HELZ: variants seen among roughly 807,000 people sequenced by gnomAD.
HELZ encodes the protein ATP-dependent RNA helicase with zinc finger domain.
HELZ carries 23 observed loss-of-function variants against 218.2 expected under a neutral mutation model. The ratio of observed to expected loss-of-function variants is 0.11; its 90% CI spans 0.08 to 0.15. The LOEUF (loss-of-function observed/expected upper bound fraction) is 0.15, where lower values mean the gene tolerates loss of function less well. HELZ is among the 10% of genes least tolerant of loss of function. HELZ has a pLI of 1.00. For missense variants in HELZ, 1,813 were observed against 2,353.7 expected (o/e 0.77, Z 4.75); for synonymous variants, 814 against 829.4 (o/e 0.98, Z 0.32).
rs1335078218 is a variant in HELZ, at chr17:67,076,745, T to A, written c.*1507A>T. On this transcript the variant is annotated 3_prime_UTR_variant, in exon 33 of 33. Coordinates refer to ENST00000358691, the MANE Select transcript of HELZ (RefSeq NM_014877.4). ...CCATTTTACAACCTGATTTTAAAAATGTACTTTGATTATAGGATTGCCTAT... is the reference window on the plus strand; with the variant it reads ...CCATTTTACAACCTGATTTTAAAAAAGTACTTTGATTATAGGATTGCCTAT... 6.6e-6 allele frequency: 1 copy of A among 152,220 alleles called. No individual in the cohort carries two copies. The highest frequency in any genetic ancestry group is 1.9e-4 in the East Asian group (1 of 5,192). The allele number at this position is 152,220 out of a possible 1,614,324, so 9.4% of individuals were successfully genotyped here. A position where few individuals can be genotyped will look rare whatever the true frequency, so the allele number is the denominator to read the frequency against.
chr17:67,097,118 G>A (rs902205971), intron 31 of HELZ, among the ~76,000 whole-genome samples: 1 of 152,212 alleles, frequency 6.6e-6, no homozygotes, highest in Admixed American at 6.5e-5. Flanking sequence ...GAGACTAAGT[G>A]ATGGGGGAAC....
At chr17:67,079,755 T>C (rs2036130958) in intron 32 of HELZ, among the ~76,000 whole-genome samples, 1 of 152,220 alleles carries the variant, frequency 6.6e-6, no homozygotes, top group Non-Finnish European at 1.5e-5. Context: ...AAGTAAATAA[T>C]TATCTTGTTG....
At chr17:67,149,637 T>C (rs2038612569) in intron 19 of HELZ, among the ~76,000 whole-genome samples, 1 of 151,868 alleles carries the variant, frequency 6.6e-6, no homozygotes, top group Non-Finnish European at 1.5e-5. Flanking sequence ...CTTAAATAAA[T>C]AAACATGAAA....
rs530194168 is a variant in HELZ, at chr17:67,232,462, A to T, written c.-19+6971T>A. ...CCCCTGTGTCTGGCATTGTATTTTA[A>T]AATTTTTAACAAGCAATAAGTTTTC... On this transcript the variant is annotated intron_variant, in intron 3 of 32. Transcript: ENST00000358691. Among the ~76,000 whole-genome samples the T allele has an allele frequency of 2.0e-5, 3 of 152,302 alleles. No individual in the cohort carries two copies. The South Asian group carries it at 6.2e-4, about 32-fold the overall frequency.
chr17:67,164,554 G>C (rs1293410398), intron 15 of HELZ, among the ~76,000 whole-genome samples: 3 of 152,098 alleles, frequency 2.0e-5, no homozygotes, highest in Admixed American at 6.5e-5. Context: ...TTAACACTAT[G>C]GAATTGTACA....
chr17:67,136,349 G>C, intron 22 of HELZ, 151 bp from the exon 23 acceptor site: 1 of 623,792 alleles, frequency 1.6e-6, no homozygotes, highest in Non-Finnish European at 2.8e-6. Flanking sequence ...CTGCTGGTGA[G>C]AATGTCCAAT....
At chr17:67,209,455 G>T (rs554917831) in intron 5 of HELZ, among the ~76,000 whole-genome samples, 1 of 152,092 alleles carries the variant, frequency 6.6e-6, no homozygotes, top group Non-Finnish European at 1.5e-5. Flanking sequence ...AAAATTAGCC[G>T]GGAATGGTGG....
intron 17 of HELZ, among the ~76,000 whole-genome samples, chr17:67,157,082 C>A (rs2038864274): frequency 1.3e-5 from 2 of 152,170 alleles, no homozygotes; most frequent in Non-Finnish European, 2.9e-5. Flanking sequence ...ATCCTGCTCC[C>A]CCTTCGCCTT....
intron 7 of HELZ, 173 bp downstream of exon 7, chr17:67,200,956 G>A (rs2040153020): frequency 8.2e-6 from 5 of 612,816 alleles, no homozygotes; most frequent in Non-Finnish European, 1.5e-5. Context: ...GCATTCCCAC[G>A]ATGGGACTGT....
intron 26 of HELZ, among the ~76,000 whole-genome samples, chr17:67,122,559 T>A (rs1388850653): frequency 8.7e-5 from 13 of 149,212 alleles, no homozygotes; most frequent in African/African-American, 2.5e-5. Flanking sequence ...AAAAAAAAAA[T>A]TAGCCGGACG....
chr17:67,226,219 A>G (rs1357312006), intron 3 of HELZ, among the ~76,000 whole-genome samples: 1 of 150,012 alleles, frequency 6.7e-6, no homozygotes, highest in East Asian at 1.9e-4. Context: ...AGATCGCACC[A>G]CTGCACTCCA....
At chr17:67,190,611 C>T (rs578160584) in intron 9 of HELZ, among the ~76,000 whole-genome samples, 7 of 152,188 alleles carry the variant, frequency 4.6e-5, no homozygotes, top group Non-Finnish European at 8.8e-5. Flanking sequence ...TAGGTATTCA[C>T]GTCGGCCCTC....
At chr17:67,124,299 C>T (rs1228612737) in intron 24 of HELZ, among the ~76,000 whole-genome samples, 5 of 151,974 alleles carry the variant, frequency 3.3e-5, no homozygotes, top group Non-Finnish European at 2.9e-5. Flanking sequence ...AAATGAAATA[C>T]GCAATCAACA....
chr17:67,182,074 G>A (rs561764231), intron 12 of HELZ, among the ~76,000 whole-genome samples: 2 of 152,240 alleles, frequency 1.3e-5, no homozygotes, highest in South Asian at 4.2e-4. Context: ...TCAGCACTCA[G>A]GGCAGCCTGA....
intron 13 of HELZ, 121 bp from the exon 14 acceptor site, chr17:67,167,917 C>T: frequency 1.5e-6 from 1 of 679,994 alleles, no homozygotes; most frequent in East Asian, 2.8e-5. Flanking sequence ...ATATCAATTC[C>T]ACTTCATTGA....
intron 13 of HELZ, 73 bp downstream of exon 13, chr17:67,178,586 T>C: frequency 7.8e-7 from 1 of 1,286,642 alleles, no homozygotes; most frequent in African/African-American, 1.5e-5. Flanking sequence ...TTAGGCACAC[T>C]TTCATTTTAA....
chr17:67,163,021 A>C (rs777227551), intron 15 of HELZ, among the ~76,000 whole-genome samples: 5 of 152,088 alleles, frequency 3.3e-5, no homozygotes, highest in Non-Finnish European at 7.4e-5. Context: ...TCTATACCTG[A>C]CCACTGTGAT....
intron 3 of HELZ, among the ~76,000 whole-genome samples, chr17:67,227,195 CTT>C (rs879422345): frequency 7.1e-5 from 10 of 140,494 alleles, no homozygotes; most frequent in African/African-American, 1.8e-4. Context: ...TCACATTTGA[CTT>C]TTTTTTTTTT....
At chr17:67,086,702 T>C in intron 32 of HELZ, 127 bp downstream of exon 32, 1 of 731,156 alleles carries the variant, frequency 1.4e-6, no homozygotes, top group Middle Eastern at 3.8e-4. Flanking sequence ...CTATGAGCTA[T>C]TAGCATCATT....
Sources: gnomAD v4.1 joint callset for allele counts (sites outside exome capture counted in the v4.1 genomes callset) on GRCh38, gnomAD v4.1.1 for gene constraint, MANE v1.5 for transcripts, NCBI Gene and HGNC (gene_info 2026-07-23, HGNC 2026-07-21) for gene names.